The following ZBTB7A variants were observed in gnomAD, a reference collection of about 807,000 sequenced individuals.
ZBTB7A encodes zinc finger and BTB domain containing 7A, also known as zinc finger and BTB domain-containing protein 7A.
ZBTB7A carries 7 observed loss-of-function variants against 26.7 expected under a neutral mutation model. The ratio of observed to expected loss-of-function variants is 0.26; its 90% CI spans 0.15 to 0.49. The LOEUF (loss-of-function observed/expected upper bound fraction) is 0.49. Among genes scored for constraint, ZBTB7A ranks in the 20% least tolerant of loss-of-function variants. The pLI, the probability that ZBTB7A is intolerant of heterozygous loss-of-function variation, is 0.98. For missense variants in ZBTB7A, 617 were observed against 919.5 expected (o/e 0.67, Z 4.25); for synonymous variants, 452 against 441.0 (o/e 1.02, Z -0.31).
At chr19:4,066,260 A>G (rs2040695139) in intron 1 of ZBTB7A, among the ~76,000 whole-genome samples, 1 of 141,514 alleles carries the variant, frequency 7.1e-6, no homozygotes, top group Non-Finnish European at 1.5e-5. Context: ...GCAGCACCGA[A>G]TAGGCCCCCG....
intron 1 of ZBTB7A, among the ~76,000 whole-genome samples, chr19:4,063,027 G>C (rs1276017551): frequency 6.6e-6 from 1 of 152,020 alleles, no homozygotes. Flanking sequence ...CCCCACCCAA[G>C]CTCGTTCCTC....
rs995242949 is a variant in ZBTB7A at position 4,045,747 on chromosome 19, G to A, written c.*2005C>T. 3 of 396,950 alleles carry A rather than the reference G, an allele frequency of 7.6e-6. No individual in the cohort carries two copies. Among genetic ancestry groups the A allele is most frequent in the African/African-American group, 4.1e-5 (2 of 48,600 alleles). 24.6% of individuals were successfully genotyped at this position (396,950 alleles called of 1,614,324 possible). A position where few individuals can be genotyped will look rare whatever the true frequency, so the allele number is the denominator to read the frequency against. On this transcript the variant is annotated 3_prime_UTR_variant, in exon 3 of 3. Coordinates refer to ENST00000322357, the MANE Select transcript of ZBTB7A (RefSeq NM_015898.4). This position sits in a 1 kb window ranked among gnomAD's most constrained non-coding sequence, Gnocchi z 4.1. The stretch of plus-strand genomic sequence containing the variant: ...ATGCAAACGGGGTGAGGGCGTCCTG[G>A]CATCTGGCGACATAGTCTCCCCAAC...
chr19:4,064,231 A>G (rs2145010589), intron 1 of ZBTB7A, among the ~76,000 whole-genome samples: 1 of 152,290 alleles, frequency 6.6e-6, no homozygotes, highest in South Asian at 2.1e-4. Flanking sequence ...TGAATAATAA[A>G]TACCCCCCGG....
At chr19:4,050,755 C>T (rs969028173) in intron 2 of ZBTB7A, among the ~76,000 whole-genome samples, 1 of 152,146 alleles carries the variant, frequency 6.6e-6, no homozygotes, top group East Asian at 1.9e-4. Context: ...CTTTCACCAA[C>T]TCTCTTTGAC....
rs1335912035 is a variant in ZBTB7A at position 4,057,640 on chromosome 19, G to A, written c.-15-2393C>T. On this transcript the variant is annotated intron_variant, in intron 1 of 2. Transcript: ENST00000322357. ...CCATTTCTAACAAAAAATTAGCTGG[G>A]CCTGGTGGCGCGGGCCTATAGTCCC... Among the ~76,000 whole-genome samples the A allele has an allele frequency of 2.6e-5, 4 of 151,674 alleles. No homozygotes were observed. In the East Asian group the frequency reaches 5.8e-4, roughly 22 times the overall value.
chr19:4,053,063 T>C (rs1371380818), intron 2 of ZBTB7A, among the ~76,000 whole-genome samples: 1 of 152,156 alleles, frequency 6.6e-6, no homozygotes, highest in East Asian at 1.9e-4. Flanking sequence ...TGTCCCTCCC[T>C]AAGCCTGAGG....
rs1426645079 is a variant in ZBTB7A at position 4,044,171 on chromosome 19, G to A, written c.*3581C>T. Among the ~76,000 whole-genome samples the A allele has an allele frequency of 1.3e-5, 2 of 151,806 alleles. No individual in the cohort carries two copies. Among genetic ancestry groups the A allele is most frequent in the Non-Finnish European group, 2.9e-5 (2 of 67,942 alleles). On this transcript the variant is annotated 3_prime_UTR_variant, in exon 3 of 3. Coordinates refer to ENST00000322357, the MANE Select transcript of ZBTB7A (RefSeq NM_015898.4). ...CTGCAGCCGCCCACTTCCAGGGGAA[G>A]ACCCTGGAAGAGGCTGGGGGACCCC...
chr19:4,060,093 C>T (rs977880019), intron 1 of ZBTB7A, among the ~76,000 whole-genome samples: 6 of 152,120 alleles, frequency 3.9e-5, no homozygotes, highest in African/African-American at 1.2e-4. Context: ...CGCTGGCCTC[C>T]GTGGGATTTC....
At chr19:4,050,356 C>T (rs957976690) in intron 2 of ZBTB7A, among the ~76,000 whole-genome samples, 6 of 152,344 alleles carry the variant, frequency 3.9e-5, no homozygotes, top group Admixed American at 6.5e-5. Context: ...CCACCGCGCC[C>T]GGCCGGTCTC....
At chr19:4,066,341 G>A (rs1348552095) in intron 1 of ZBTB7A, among the ~76,000 whole-genome samples, 1 of 139,834 alleles carries the variant, frequency 7.2e-6, no homozygotes, top group Non-Finnish European at 1.6e-5. Context: ...TCCCCACGCC[G>A]GCTCCCCCCA....
chr19:4,054,133 G>C lies in ZBTB7A; in HGVS notation c.1100C>G (p.Ala367Gly). The C allele has an allele frequency of 1.2e-6, 2 of 1,606,200 alleles. No homozygotes were observed. The highest frequency in any genetic ancestry group is 1.7e-6 in the Non-Finnish European group (2 of 1,179,838). Residue 367 changes from alanine (A) to glycine (G), a missense_variant, in exon 2 of 3, where the codon GCC becomes GGC. This residue lies in a region of ZBTB7A where 331 missense variants were observed against 391.3 expected (regional missense o/e 0.85). Coordinates refer to ENST00000322357, the MANE Select transcript of ZBTB7A (RefSeq NM_015898.4). Reference protein sequence around the residue: ...SGAHDGDVYPAWSQKVEKKIR... With the variant: ...SGAHDGDVYPGWSQKVEKKIR... ...CTTCTTCTCCACCTTCTGCGACCAG[G>C]CCGGGTAGACGTCGCCGTCGTGGGC...
At chr19:4,053,654 G>A (rs571327235) in intron 2 of ZBTB7A, among the ~76,000 whole-genome samples, 6 of 149,770 alleles carry the variant, frequency 4.0e-5, no homozygotes, top group Admixed American at 1.3e-4. Flanking sequence ...TGTCTGTGTA[G>A]CATGTCTGTA....
At chr19:4,050,761 T>C (rs2040495061) in intron 2 of ZBTB7A, among the ~76,000 whole-genome samples, 1 of 152,176 alleles carries the variant, frequency 6.6e-6, no homozygotes, top group African/African-American at 2.4e-5. Context: ...CCAACTCTCT[T>C]TGACTTTTTT....
intron 1 of ZBTB7A, among the ~76,000 whole-genome samples, chr19:4,059,573 G>C (rs756464190): frequency 6.6e-6 from 1 of 152,164 alleles, no homozygotes; most frequent in Non-Finnish European, 1.5e-5. Context: ...CTGCAGTCCT[G>C]GCCTAAGGAT....
At chr19:4,059,927 C>T (rs1461613495) in intron 1 of ZBTB7A, among the ~76,000 whole-genome samples, 1 of 152,188 alleles carries the variant, frequency 6.6e-6, no homozygotes, top group Admixed American at 6.5e-5. Context: ...GTGCGCCCGA[C>T]ACACGGTACA....
In ZBTB7A at chr19:4,054,342, C is replaced by G; in HGVS notation, c.891G>C (p.Leu297=). The part of the protein sequence containing the change: ...APEPGDSPGF[L]SGAAEGEDGD... ...CGTCCTCGCCCTCGGCCGCTCCCGA[C>G]AGGAAGCCCGGAGAGTCGCCCGGCT... Residue 297 remains leucine, a synonymous_variant, in exon 2 of 3, where the codon CTG becomes CTC. Coordinates refer to ENST00000322357, the MANE Select transcript of ZBTB7A (RefSeq NM_015898.4). 1 of 1,504,646 alleles carries G rather than the reference C, an allele frequency of 6.6e-7. No individual in the cohort carries two copies. The highest frequency in any genetic ancestry group is 8.8e-7 in the Non-Finnish European group (1 of 1,134,986). 93.2% of individuals were successfully genotyped at this position (1,504,646 alleles called of 1,614,324 possible). A position where few individuals can be genotyped will look rare whatever the true frequency, so the allele number is the denominator to read the frequency against.
Position 4,052,024 on chromosome 19 carries a change from G to T in ZBTB7A, c.1262+1947C>A, listed in dbSNP as rs1421417879. 6.6e-6 allele frequency among the ~76,000 whole-genome samples: 1 copy of T among 152,196 alleles called. No homozygotes were observed. The highest frequency in any genetic ancestry group is 1.9e-4 in the East Asian group (1 of 5,176). ...GGTGGAGGTGCTGGTGTCCTGGGGA[G>T]GGGGGACCAGAGCACGGGGTGGGGG... On this transcript the variant is annotated intron_variant, in intron 2 of 2. Transcript: ENST00000322357. The surrounding 1 kb of genome is among the most constrained non-coding windows in gnomAD (Gnocchi z 4.9).
chr19:4,053,422 T>C (rs1375770126), intron 2 of ZBTB7A, among the ~76,000 whole-genome samples: 2 of 151,958 alleles, frequency 1.3e-5, no homozygotes, highest in African/African-American at 4.8e-5. Context: ...CATGTGCATG[T>C]ATGTGTGCGC....
At position 4,054,882 on chromosome 19, in the gene ZBTB7A, G is replaced by C; in HGVS notation, c.351C>G (p.Pro117=). 1 of 1,608,170 alleles carries C rather than the reference G, an allele frequency of 6.2e-7. No homozygotes were observed. Among genetic ancestry groups the C allele is most frequent in the East Asian group, 2.2e-5 (1 of 44,596 alleles). The part of the protein sequence containing the change: ...ILSAARLLEI[P]AVSHVCADLL... ...GGTCGGCGCACACGTGGCTCACGGC[G>C]GGGATCTCCAGCAGGCGGGCGGCGC... Residue 117 remains proline (P), a synonymous_variant, in exon 2 of 3, where the codon CCC becomes CCG. Transcript: ENST00000322357.
Sources: allele counts gnomAD v4.1 joint callset (sites outside exome capture counted in the v4.1 genomes callset), GRCh38; gene constraint gnomAD v4.1.1; regional missense constraint gnomAD v4.1.1; non-coding constraint Gnocchi (gnomAD v3.1); transcripts MANE v1.5; gene names NCBI Gene and HGNC (gene_info 2026-07-23, HGNC 2026-07-21).